ZNF420: variants seen among roughly 807,000 people sequenced by gnomAD.
ZNF420 encodes the protein zinc finger protein 420, also known as ATM and p53-associated KZNF protein.
ZNF420 carries 31 observed loss-of-function variants against 44.7 expected under a neutral mutation model. The ratio of observed to expected loss-of-function variants is 0.69; its 90% CI spans 0.52 to 0.94. The LOEUF is 0.94. Among genes scored for constraint, ZNF420 ranks in the 40% least tolerant of loss-of-function variants. The pLI, the probability that ZNF420 is intolerant of heterozygous loss-of-function variation, is 0.00. For missense variants in ZNF420, 681 were observed against 827.9 expected, an observed-to-expected ratio of 0.82 and a Z score of 2.18; for synonymous variants, 245 against 267.4, an observed-to-expected ratio of 0.92 and a Z score of 0.82.
At chr19:37,068,566 G>C (rs1968007953) in intron 1 of ZNF420, among the ~76,000 whole-genome samples, 1 of 152,160 alleles carries the variant, frequency 6.6e-6, no homozygotes, top group Non-Finnish European at 1.5e-5. Flanking sequence ...CTTGAACCCA[G>C]GAGGCAGAGG....
chr19:37,046,294 A>T (rs1354685354), intron 1 of ZNF420, among the ~76,000 whole-genome samples: 2 of 152,212 alleles, frequency 1.3e-5, no homozygotes, highest in African/African-American at 4.8e-5. Flanking sequence ...GCATTCTCAT[A>T]TGTTATGGCA....
chr19:37,090,269 C>T (rs899837770), intron 3 of ZNF420, among the ~76,000 whole-genome samples: 3 of 152,066 alleles, frequency 2.0e-5, no homozygotes, highest in Admixed American at 6.6e-5. Flanking sequence ...CTTTGGGAGG[C>T]CTAAGCCTTA....
chr19:37,064,850 G>A (rs1967938501), intron 1 of ZNF420, among the ~76,000 whole-genome samples: 1 of 152,200 alleles, frequency 6.6e-6, no homozygotes. Context: ...CCCAACACCA[G>A]GTCGTGGGGG....
At chr19:37,055,647 C>T (rs1363238651) in intron 1 of ZNF420, among the ~76,000 whole-genome samples, 1 of 152,234 alleles carries the variant, frequency 6.6e-6, no homozygotes, top group African/African-American at 2.4e-5. Flanking sequence ...ACTCCTGTCA[C>T]AGTGACCCCA....
At chr19:37,087,782 A>C (rs954381424) in intron 2 of ZNF420, among the ~76,000 whole-genome samples, 10 of 152,248 alleles carry the variant, frequency 6.6e-5, no homozygotes, top group African/African-American at 2.4e-4. Context: ...AGTAGCTGGG[A>C]CTACAGGCGC....
chr19:37,025,450 C>G (rs1967138660), intron 1 of ZNF420, among the ~76,000 whole-genome samples: 1 of 151,966 alleles, frequency 6.6e-6, no homozygotes, highest in African/African-American at 2.4e-5. Flanking sequence ...AAAGAGAAAC[C>G]TACAAAGCAC....
chr19:37,108,350 C>T (rs1010896605), intron 4 of ZNF420: 1 of 152,222 alleles, frequency 6.6e-6, no homozygotes, highest in African/African-American at 2.4e-5. Context: ...CAGGGATCCA[C>T]ACGCCTTCCC....
intron 1 of ZNF420, among the ~76,000 whole-genome samples, chr19:37,029,759 T>C (rs997495168): frequency 2.6e-5 from 4 of 152,096 alleles, no homozygotes; most frequent in Admixed American, 2.6e-4. Flanking sequence ...CCACCCGCCT[T>C]GGCCTCCCAA....
Position 37,128,723 on chromosome 19 carries a change from C to G in ZNF420, c.1732C>G (p.Gln578Glu). 1 of 1,613,694 alleles carries G rather than the reference C, an allele frequency of 6.2e-7. No homozygotes were observed. The highest frequency in any genetic ancestry group is 8.5e-7 in the Non-Finnish European group (1 of 1,179,916). The change falls in exon 5 of 5, where the codon CAG becomes GAG. Residue 578 changes from glutamine to glutamate, a missense_variant. Transcript: ENST00000337995. ...TCGTGGTTCACAGTTGACTCAACAT[C>G]AGCGAATTCACACTGGAGAAAAACC... ...FIRGSQLTQH[Q>E]RIHTGEKPYE...
At chr19:37,084,439 T>C (rs1303913237) in intron 2 of ZNF420, among the ~76,000 whole-genome samples, 1 of 152,216 alleles carries the variant, frequency 6.6e-6, no homozygotes, top group East Asian at 1.9e-4. Flanking sequence ...TTGGTAATAC[T>C]TTATAACTTT....
chr19:37,072,947 T>C (rs1968082623), intron 1 of ZNF420, among the ~76,000 whole-genome samples: 1 of 152,246 alleles, frequency 6.6e-6, no homozygotes. Context: ...CAAAATAGTA[T>C]GTAGTAAGTG....
At chr19:37,009,428 C>T (rs1420898668) in intron 1 of ZNF420, among the ~76,000 whole-genome samples, 3 of 152,306 alleles carry the variant, frequency 2.0e-5, no homozygotes, top group South Asian at 4.1e-4. Flanking sequence ...CCCCTTCCAC[C>T]GGGCACATGC....
chr19:37,115,979 A>G (rs1255199518), intron 4 of ZNF420, among the ~76,000 whole-genome samples: 1 of 152,100 alleles, frequency 6.6e-6, no homozygotes, highest in Non-Finnish European at 1.5e-5. Context: ...ATAGCCCTAA[A>G]TCCATTAAAC....
chr19:37,119,732 CTAAT>C (rs1970914692), intron 4 of ZNF420, among the ~76,000 whole-genome samples: 2 of 151,566 alleles, frequency 1.3e-5, no homozygotes, highest in East Asian at 1.9e-4. Context: ...GCTAGCAAGA[CTAAT>C]AAAGAAGAAA....
At chr19:37,086,800 A>G (rs749458073) in intron 2 of ZNF420, among the ~76,000 whole-genome samples, 8 of 152,142 alleles carry the variant, frequency 5.3e-5, no homozygotes, top group African/African-American at 1.2e-4. Flanking sequence ...TTAGAGTTTG[A>G]TGGTGTATCT....
intron 1 of ZNF420, among the ~76,000 whole-genome samples, chr19:37,056,960 C>T (rs1205027104): frequency 2.0e-5 from 3 of 152,392 alleles, no homozygotes; most frequent in East Asian, 3.9e-4. Flanking sequence ...GGGCTTCAGC[C>T]TGACTTCCAG....
At chr19:37,124,787 C>T (rs1170296659) in intron 4 of ZNF420, among the ~76,000 whole-genome samples, 1 of 152,166 alleles carries the variant, frequency 6.6e-6, no homozygotes, top group African/African-American at 2.4e-5. Flanking sequence ...CCTGCCTCAG[C>T]CTCCCAAGTA....
chr19:37,104,160 CCA>C (rs1442798834), intron 4 of ZNF420, among the ~76,000 whole-genome samples: 1 of 146,826 alleles, frequency 6.8e-6, no homozygotes, highest in Admixed American at 6.8e-5. Context: ...ACAACAGGCT[CCA>C]TTGTGTGATG....
At chr19:37,114,103 G>A (rs1392352809) in intron 4 of ZNF420, among the ~76,000 whole-genome samples, 1 of 152,124 alleles carries the variant, frequency 6.6e-6, no homozygotes, top group Admixed American at 6.5e-5. Flanking sequence ...TTCTTCAGGT[G>A]GTATCGGTTC....
Sources: gnomAD v4.1 joint callset for allele counts (sites outside exome capture counted in the v4.1 genomes callset) on GRCh38, gnomAD v4.1.1 for gene constraint, MANE v1.5 for transcripts, NCBI Gene and HGNC (gene_info 2026-07-23, HGNC 2026-07-21) for gene names.